The following PDE4D variants were observed in gnomAD, a reference collection of about 807,000 sequenced individuals.
PDE4D encodes phosphodiesterase 4D, also known as 3',5'-cyclic-AMP phosphodiesterase 4D.
A neutral mutation model predicts 87.4 loss-of-function variants in PDE4D; 24 were observed. The observed-to-expected ratio is 0.27, with a 90% confidence interval of 0.20 to 0.39. The LOEUF (loss-of-function observed/expected upper bound fraction) is 0.39. Ranked by LOEUF, PDE4D falls within the 10% of genes least tolerant of loss-of-function variation. The pLI, the probability that PDE4D is intolerant of heterozygous loss-of-function variation, is 1.00. For synonymous variants in PDE4D, 384 were observed against 383.2 expected, an observed-to-expected ratio of 1.00 and a Z score of -0.02; for missense variants, 714 against 1,041.0, an observed-to-expected ratio of 0.69 and a Z score of 4.32.
intron 1 of PDE4D, among the ~76,000 whole-genome samples, chr5:59,544,446 G>A (rs772871225): frequency 1.3e-5 from 2 of 152,238 alleles, no homozygotes; most frequent in East Asian, 1.9e-4. Flanking sequence ...AGGGGACAAC[G>A]TGCCCAGAAT....
rs1580084334 is a variant in PDE4D, at chr5:58,983,259, G to A, written c.1552+5234C>T. Among the ~76,000 whole-genome samples, 5 of 152,346 alleles carry A rather than the reference G, an allele frequency of 3.3e-5. No individual in the cohort carries two copies. The South Asian group carries it at 1.0e-3, about 32-fold the overall frequency. ...CAGGCCCTCTGTCAACTACTTGCAG[G>A]GAACTTTCCATGCGACCACATGTGT... On this transcript the variant is annotated intron_variant, in intron 11 of 14. Transcript: ENST00000340635.
At chr5:59,963,554 T>G (rs1759703469) in intron 3 of PDE4D, among the ~76,000 whole-genome samples, 1 of 117,776 alleles carries the variant, frequency 8.5e-6, no homozygotes, top group Non-Finnish European at 1.8e-5. Context: ...CGGGCTGGCT[T>G]CTGAAGCACT....
intron 1 of PDE4D, among the ~76,000 whole-genome samples, chr5:60,223,602 G>A (rs1744749357): frequency 6.6e-6 from 1 of 152,036 alleles, no homozygotes; most frequent in Non-Finnish European, 1.5e-5. Context: ...AGTACATACT[G>A]GAGCAGACAC....
intron 1 of PDE4D, among the ~76,000 whole-genome samples, chr5:59,302,872 T>C (rs780457071): frequency 3.9e-5 from 6 of 152,234 alleles, no homozygotes; most frequent in Non-Finnish European, 5.9e-5. Context: ...TTTCAAATAA[T>C]GACTTCTTTT....
chr5:59,016,351 GTTT>G (rs11413820), intron 6 of PDE4D, among the ~76,000 whole-genome samples: 4 of 105,500 alleles, frequency 3.8e-5, no homozygotes, highest in South Asian at 3.0e-4. Flanking sequence ...TCATATCACA[GTTT>G]TTTTTTTTTT....
At chr5:59,658,245 A>T (rs1465820053) in intron 1 of PDE4D, among the ~76,000 whole-genome samples, 6 of 151,522 alleles carry the variant, frequency 4.0e-5, no homozygotes, top group East Asian at 1.9e-4. Flanking sequence ...CTTATAGATT[A>T]AAAAAAAACC....
intron 1 of PDE4D, among the ~76,000 whole-genome samples, chr5:60,474,078 C>T (rs1403379697): frequency 7.5e-6 from 1 of 133,528 alleles, no homozygotes; most frequent in Non-Finnish European, 1.6e-5. Context: ...CTGTGTCTGG[C>T]TTACTGTCTC....
intron 1 of PDE4D, among the ~76,000 whole-genome samples, chr5:59,429,818 T>A (rs566789232): frequency 1.3e-5 from 2 of 152,202 alleles, no homozygotes; most frequent in East Asian, 3.9e-4. Flanking sequence ...ATAGGAAAAA[T>A]ACATAACCTT....
chr5:60,211,775 GTTTATTTTGGTTT>G, intron 1 of PDE4D, among the ~76,000 whole-genome samples: 1 of 152,100 alleles, frequency 6.6e-6, no homozygotes, highest in East Asian at 1.9e-4. Context: ...CATTTTCGTG[GTTTATTTTGGTTT>G]TTAAATTAGC....
upstream of PDE4D, among the ~76,000 whole-genome samples, chr5:59,894,742 A>C (rs1258680562): frequency 6.6e-6 from 1 of 152,224 alleles, no homozygotes; most frequent in Non-Finnish European, 1.5e-5. Flanking sequence ...TGTTTTAAAA[A>C]CATGTTGTAT....
chr5:60,257,910 C>A (rs1583231787), intron 1 of PDE4D, among the ~76,000 whole-genome samples: 3 of 151,898 alleles, frequency 2.0e-5, no homozygotes, highest in South Asian at 2.1e-4. Context: ...CAAACCATAG[C>A]GAGCTGTTGC....
In PDE4D at chr5:59,545,563, A is replaced by G. The variant is rs202117779; in HGVS notation, c.456-329595T>C. On this transcript the variant is annotated intron_variant, in intron 1 of 14. Coordinates refer to ENST00000340635, the MANE Select transcript of PDE4D (RefSeq NM_001104631.2). ...TAAAAGTCAGCTTCAACAGAAGAAA[A>G]AAGAGTTTGTATTAAATATGAATGA... Among the ~76,000 whole-genome samples the G allele has an allele frequency of 4.3e-4, 66 of 152,324 alleles. 1 individual carries two copies. The East Asian group carries it at 0.012, about 28-fold the overall frequency.
At chr5:60,385,983 C>T (rs769372469) in intron 1 of PDE4D, among the ~76,000 whole-genome samples, 1 of 152,048 alleles carries the variant, frequency 6.6e-6, no homozygotes, top group African/African-American at 2.4e-5. Flanking sequence ...CACCAGGCTG[C>T]CAGAGTGTGA....
intron 5 of PDE4D, among the ~76,000 whole-genome samples, chr5:59,102,892 G>A (rs1771000489): frequency 1.3e-5 from 2 of 152,292 alleles, no homozygotes; most frequent in South Asian, 4.1e-4. Context: ...GGGAGGGGGA[G>A]CATAACACTT....
At chr5:59,630,190 G>A (rs180964888) in intron 1 of PDE4D, among the ~76,000 whole-genome samples, 52 of 152,216 alleles carry the variant, frequency 3.4e-4, no homozygotes, top group Admixed American at 3.1e-3. Context: ...ACGCACATAC[G>A]TCTATATATA....
At chr5:59,445,802 A>G (rs1369585914) in intron 1 of PDE4D, among the ~76,000 whole-genome samples, 6 of 152,184 alleles carry the variant, frequency 3.9e-5, no homozygotes, top group Admixed American at 3.9e-4. Flanking sequence ...TTCACTTTTG[A>G]AAAATATATT....
intron 1 of PDE4D, among the ~76,000 whole-genome samples, chr5:60,383,302 C>A (rs1761988007): frequency 6.6e-6 from 1 of 152,208 alleles, no homozygotes; most frequent in South Asian, 2.1e-4. Flanking sequence ...AAATGATAAG[C>A]CCTCTGAATA....
rs1255120777 is a variant in PDE4D at position 60,403,499 on chromosome 5, G to A, written c.-90+84443C>T. ...TCCAATATATACAAGGTACAATTCA[G>A]TAGGGACAGAAAAGATGACCTCTTC... On this transcript the variant is annotated intron_variant, in intron 1 of 16. Coordinates refer to the PDE4D transcript ENST00000502484. 2.0e-5 allele frequency among the ~76,000 whole-genome samples: 3 copies of A among 152,214 alleles called. No individual in the cohort carries two copies. The East Asian group carries it at 5.8e-4, about 29-fold the overall frequency.
At chr5:59,112,552 C>T (rs1772847041) in intron 5 of PDE4D, among the ~76,000 whole-genome samples, 1 of 152,072 alleles carries the variant, frequency 6.6e-6, no homozygotes, top group South Asian at 2.1e-4. Flanking sequence ...GACAAGGATG[C>T]TGGGCTCTGG....
Sources: gnomAD v4.1 joint callset for allele counts (sites outside exome capture counted in the v4.1 genomes callset) on GRCh38, gnomAD v4.1.1 for gene constraint, MANE v1.5 for transcripts, NCBI Gene and HGNC (gene_info 2026-07-23, HGNC 2026-07-21) for gene names.